Variants in TMCC1 observed in about 807,000 individuals in gnomAD.
TMCC1 encodes transmembrane and coiled-coil domains protein 1.
Under a neutral mutation model 52.4 loss-of-function variants are expected in TMCC1, and 15 were observed. The ratio of observed to expected loss-of-function variants is 0.29; its 90% CI spans 0.19 to 0.44. The LOEUF (loss-of-function observed/expected upper bound fraction) is 0.44. Among genes scored for constraint, TMCC1 ranks in the 20% least tolerant of loss-of-function variants. TMCC1 has a pLI of 1.00. For synonymous variants in TMCC1, 279 were observed against 301.9 expected (o/e 0.92, Z 0.79); for missense variants, 503 against 806.0 (o/e 0.62, Z 4.55).
chr3:129,717,965 A>C (rs1365726303), intron 4 of TMCC1, among the ~76,000 whole-genome samples: 1 of 152,184 alleles, frequency 6.6e-6, no homozygotes, highest in Non-Finnish European at 1.5e-5. Context: ...TTGAACAACA[A>C]AGGTCTGAAC....
chr3:129,741,316 C>T (rs1405639800), intron 4 of TMCC1, among the ~76,000 whole-genome samples: 1 of 152,096 alleles, frequency 6.6e-6, no homozygotes, highest in Non-Finnish European at 1.5e-5. Flanking sequence ...TGAATAATTT[C>T]CAAATTTCAA....
rs1007587123 is a variant in TMCC1, at chr3:129,814,076, T to C, written c.576+13727A>G. On this transcript the variant is annotated intron_variant, in intron 4 of 6. Transcript: ENST00000393238. Reference sequence around the variant, plus strand: ...ACATTTATTCTCCCAAAGAGTTGAGTTATAGGCTTGCATTTCCTATGTGGA... The same window carrying C: ...ACATTTATTCTCCCAAAGAGTTGAGCTATAGGCTTGCATTTCCTATGTGGA... 3.3e-5 allele frequency among the ~76,000 whole-genome samples: 5 copies of C among 151,828 alleles called. No individual in the cohort carries two copies. The East Asian group carries it at 9.7e-4, about 29-fold the overall frequency.
At chr3:129,813,034 G>A (rs2057908949) in intron 4 of TMCC1, among the ~76,000 whole-genome samples, 1 of 152,092 alleles carries the variant, frequency 6.6e-6, no homozygotes, top group South Asian at 2.1e-4. Context: ...AAGATAACAT[G>A]CATGCAGCAA....
At chr3:129,809,635 G>GA (rs149580667) in intron 4 of TMCC1, among the ~76,000 whole-genome samples, 8,029 of 147,752 alleles carry the variant, frequency 0.054, 727 homozygotes, top group East Asian at 0.4. Context: ...CTGACAGGAA[G>GA]AAAAAAAAAA....
intron 5 of TMCC1, among the ~76,000 whole-genome samples, chr3:129,660,805 T>C (rs2086973248): frequency 6.6e-6 from 1 of 152,322 alleles, no homozygotes; most frequent in South Asian, 2.1e-4. Flanking sequence ...TCTCACTATG[T>C]TGTCCATGCT....
intron 4 of TMCC1, among the ~76,000 whole-genome samples, chr3:129,797,560 G>A (rs1041902688): frequency 2.6e-5 from 4 of 152,094 alleles, no homozygotes; most frequent in East Asian, 3.9e-4. Context: ...TGGGCAACAC[G>A]GTGAAACACC....
At chr3:129,722,868 T>C (rs1314029502) in intron 4 of TMCC1, among the ~76,000 whole-genome samples, 2 of 152,188 alleles carry the variant, frequency 1.3e-5, no homozygotes, top group Non-Finnish European at 2.9e-5. Context: ...GGCACAAATC[T>C]GCTTAAAAAG....
intron 2 of TMCC1, among the ~76,000 whole-genome samples, chr3:129,873,463 C>T (rs1233042021): frequency 6.6e-6 from 1 of 151,676 alleles, no homozygotes; most frequent in African/African-American, 2.4e-5. Flanking sequence ...GGGAGGATTG[C>T]TTAAGGCCAG....
Position 129,678,201 on chromosome 3 carries a change from T to C in TMCC1, c.577-6937A>G, listed in dbSNP as rs372749320. ...TCCCAAAGTGCTGGGATTACAGGCATGAGCCACCACGCCTGGCCAATTCTT... is the reference window on the plus strand; with the variant it reads ...TCCCAAAGTGCTGGGATTACAGGCACGAGCCACCACGCCTGGCCAATTCTT... On this transcript the variant is annotated intron_variant, in intron 4 of 6. Transcript: ENST00000393238. 2.0e-4 allele frequency among the ~76,000 whole-genome samples: 31 copies of C among 152,160 alleles called. No homozygotes were observed. In the South Asian group the frequency reaches 2.7e-3, roughly 13 times the overall value.
chr3:129,866,112 C>T (rs1006826059), intron 2 of TMCC1, among the ~76,000 whole-genome samples: 1 of 151,794 alleles, frequency 6.6e-6, no homozygotes, highest in Admixed American at 6.6e-5. Context: ...TGCCCTGACA[C>T]CCAATCTGAC....
chr3:129,767,721 T>C (rs1283050431), intron 4 of TMCC1, among the ~76,000 whole-genome samples: 1 of 152,204 alleles, frequency 6.6e-6, no homozygotes. Context: ...TTGCCTATTC[T>C]GGATATTTCA....
chr3:129,878,916 C>T (rs1403592144), intron 2 of TMCC1, among the ~76,000 whole-genome samples: 1 of 152,210 alleles, frequency 6.6e-6, no homozygotes, highest in Non-Finnish European at 1.5e-5. Flanking sequence ...AGGCAAGCTT[C>T]TGTCTCAGGA....
At chr3:129,863,884 TA>T (rs201257398) in intron 2 of TMCC1, among the ~76,000 whole-genome samples, 1 of 149,152 alleles carries the variant, frequency 6.7e-6, no homozygotes, top group Non-Finnish European at 1.5e-5. Context: ...AGAATAAGGC[TA>T]AAAAAAAAGT....
chr3:129,776,371 C>T (rs1445707531), intron 4 of TMCC1, among the ~76,000 whole-genome samples: 1 of 152,118 alleles, frequency 6.6e-6, no homozygotes, highest in Non-Finnish European at 1.5e-5. Flanking sequence ...TAAAGCTCAG[C>T]TCAGAAGGAA....
At chr3:129,838,675 C>A (rs1451316485) in intron 2 of TMCC1, among the ~76,000 whole-genome samples, 3 of 136,870 alleles carry the variant, frequency 2.2e-5, no homozygotes, top group Non-Finnish European at 4.6e-5. Context: ...ATCACTTGAA[C>A]CTGGGAGGTG....
intron 5 of TMCC1, among the ~76,000 whole-genome samples, chr3:129,670,100 G>A (rs890989480): frequency 6.6e-6 from 1 of 152,114 alleles, no homozygotes; most frequent in African/African-American, 2.4e-5. Flanking sequence ...AAATAAATAG[G>A]TGAAATACTT....
intron 4 of TMCC1, among the ~76,000 whole-genome samples, chr3:129,764,618 T>A (rs1445581744): frequency 6.6e-6 from 1 of 151,748 alleles, no homozygotes. Flanking sequence ...AAAGCATTCA[T>A]CAACACCTGG....
At chr3:129,800,001 G>T (rs2057086947) in intron 4 of TMCC1, among the ~76,000 whole-genome samples, 1 of 152,052 alleles carries the variant, frequency 6.6e-6, no homozygotes, top group Non-Finnish European at 1.5e-5. Context: ...TAGAATATTT[G>T]CTGCCCCAGA....
intron 6 of TMCC1, among the ~76,000 whole-genome samples, chr3:129,652,241 G>C (rs1003601289): frequency 2.0e-5 from 3 of 152,128 alleles, no homozygotes; most frequent in Non-Finnish European, 2.9e-5. Context: ...GTGTGTAAGT[G>C]TATGCATATA....
Sources: allele counts gnomAD v4.1 joint callset (sites outside exome capture counted in the v4.1 genomes callset), GRCh38; gene constraint gnomAD v4.1.1; transcripts MANE v1.5; gene names NCBI Gene and HGNC (gene_info 2026-07-23, HGNC 2026-07-21).